The following ARMC3 variants were observed in gnomAD, a reference collection of about 807,000 sequenced individuals.
ARMC3 encodes armadillo repeat-containing protein 3.
A neutral mutation model predicts 90.3 loss-of-function variants in ARMC3; 74 were observed. The observed-to-expected ratio is 0.82, with a 90% CI of 0.68 to 0.99. The LOEUF (loss-of-function observed/expected upper bound fraction) is 0.99. Among genes scored for constraint, ARMC3 ranks in the 50% least tolerant of loss-of-function variants. The pLI, the probability that ARMC3 is intolerant of heterozygous loss-of-function variation, is 0.00. For synonymous variants in ARMC3, 334 were observed against 361.8 expected, an observed-to-expected ratio of 0.92 and a Z score of 0.87; for missense variants, 958 against 1,042.8, an observed-to-expected ratio of 0.92 and a Z score of 1.12.
intron 8 of ARMC3, among the ~76,000 whole-genome samples, chr10:22,973,412 T>C (rs935865022): frequency 1.5e-4 from 22 of 151,008 alleles, no homozygotes; most frequent in African/African-American, 5.1e-4. Context: ...TGAGGCCTGG[T>C]ATAGGATCTA....
At chr10:23,026,770 C>T (rs747232120) in intron 16 of ARMC3, among the ~76,000 whole-genome samples, 8 of 152,132 alleles carry the variant, frequency 5.3e-5, no homozygotes, top group African/African-American at 1.9e-4. Context: ...AATTTTATCA[C>T]GTGTAGGTTT....
intron 6 of ARMC3, chr10:22,960,152 TAC>T (rs111468674): frequency 0.36 from 70,909 of 195,960 alleles, 16,762 homozygotes; most frequent in African/African-American, 0.68. Flanking sequence ...TACACACACA[TAC>T]ACACACACAC....
chr10:22,987,372 G>A (rs1171205336), intron 10 of ARMC3, among the ~76,000 whole-genome samples: 1 of 152,160 alleles, frequency 6.6e-6, no homozygotes, highest in African/African-American at 2.4e-5. Context: ...ATCAGAATTA[G>A]AGTTTAAGTT....
At chr10:22,963,257 A>G (rs11013214) in intron 7 of ARMC3, among the ~76,000 whole-genome samples, 33,349 of 152,136 alleles carry the variant, frequency 0.22, 3,844 homozygotes, top group Non-Finnish European at 0.25. Context: ...TAATTCTATC[A>G]TTACATATAT....
At chr10:22,985,751 C>A (rs1836391610) in intron 10 of ARMC3, among the ~76,000 whole-genome samples, 1 of 152,134 alleles carries the variant, frequency 6.6e-6, no homozygotes. Context: ...CTTTTACTTA[C>A]AAATGGGCTA....
intron 10 of ARMC3, among the ~76,000 whole-genome samples, chr10:22,996,882 A>C (rs1004143152): frequency 6.6e-6 from 1 of 151,812 alleles, no homozygotes; most frequent in African/African-American, 2.4e-5. Flanking sequence ...AATTTAATTC[A>C]TCACCATACA....
At chr10:22,957,979 T>G (rs1239298590) in intron 4 of ARMC3, among the ~76,000 whole-genome samples, 1 of 152,154 alleles carries the variant, frequency 6.6e-6, no homozygotes, top group African/African-American at 2.4e-5. Flanking sequence ...GGAGGATTGC[T>G]TGAGCTCAGG....
chr10:22,928,380 G>A (rs1035174282), intron 1 of ARMC3, among the ~76,000 whole-genome samples: 1 of 152,162 alleles, frequency 6.6e-6, no homozygotes, highest in Non-Finnish European at 1.5e-5. Context: ...TTGACTGTGA[G>A]CAACTCAGAA....
chr10:22,953,761 T>C (rs1398180780), intron 3 of ARMC3, among the ~76,000 whole-genome samples: 1 of 152,248 alleles, frequency 6.6e-6, no homozygotes, highest in Admixed American at 6.5e-5. Context: ...GAAAAAGGGA[T>C]AGAACTATCT....
At chr10:22,968,561 G>A (rs1395692801) in intron 8 of ARMC3, 72 bp downstream of exon 8, 29 of 1,347,564 alleles carry the variant, frequency 2.2e-5, no homozygotes, top group South Asian at 1.8e-4. Flanking sequence ...GTGCTGTGGC[G>A]TGATCACAGC....
chr10:22,999,722 G>C (rs951402708), intron 11 of ARMC3, among the ~76,000 whole-genome samples: 1 of 152,142 alleles, frequency 6.6e-6, no homozygotes, highest in African/African-American at 2.4e-5. Flanking sequence ...AACACATCTG[G>C]GTCCAGAGCC....
intron 11 of ARMC3, among the ~76,000 whole-genome samples, chr10:22,999,870 C>T (rs1287816205): frequency 2.6e-5 from 4 of 152,120 alleles, no homozygotes; most frequent in African/African-American, 4.8e-5. Flanking sequence ...ACTCAGGTAG[C>T]GGTAGGCACC....
chr10:22,930,896 C>T (rs778150684), intron 1 of ARMC3, among the ~76,000 whole-genome samples: 1 of 152,012 alleles, frequency 6.6e-6, no homozygotes, highest in African/African-American at 2.4e-5. Flanking sequence ...GATAGATTTC[C>T]TGGGTTATTC....
chr10:22,944,671 G>A (rs1180402124), intron 2 of ARMC3, among the ~76,000 whole-genome samples: 1 of 152,082 alleles, frequency 6.6e-6, no homozygotes, highest in Non-Finnish European at 1.5e-5. Flanking sequence ...TGAGGTCCTC[G>A]GGCATTCTGG....
At chr10:23,012,325 T>A (rs1838052566) in intron 16 of ARMC3, among the ~76,000 whole-genome samples, 1 of 152,132 alleles carries the variant, frequency 6.6e-6, no homozygotes, top group Admixed American at 6.5e-5. Context: ...TATAGATAAA[T>A]CCCTTCTTTT....
At chr10:22,995,569 C>T (rs1836912789) in intron 10 of ARMC3, among the ~76,000 whole-genome samples, 1 of 152,086 alleles carries the variant, frequency 6.6e-6, no homozygotes, top group African/African-American at 2.4e-5. Flanking sequence ...TTATGCATTT[C>T]CCTTTACTGT....
At position 23,034,083 on chromosome 10, in the gene ARMC3, G is replaced by A. The variant is rs979144331; in HGVS notation, c.2409+1060G>A. 1.1e-4 allele frequency among the ~76,000 whole-genome samples: 16 copies of A among 152,064 alleles called. 1 individual carries two copies. Among genetic ancestry groups the A allele is most frequent in the Non-Finnish European group, 2.2e-4 (15 of 67,996 alleles). On this transcript the variant is annotated intron_variant, in intron 18 of 18. Coordinates refer to ENST00000298032, the MANE Select transcript of ARMC3 (RefSeq NM_173081.5). ...ACATGCAGCTTACCTCCAGTTCCAA[G>A]CGAATTCTATTATCTTTCCTATTCC...
At position 22,959,488 on chromosome 10, in the gene ARMC3, G is replaced by A; in HGVS notation, c.451G>A (p.Gly151Arg). Residue 151 changes from glycine (G) to arginine (R), a missense_variant, in exon 6 of 19, where the codon GGA (glycine) becomes AGA (arginine). Coordinates refer to ENST00000298032, the MANE Select transcript of ARMC3 (RefSeq NM_173081.5). ...TSKVQIFEHGGLEPLIRLLSS... is the reference protein window; with the variant it reads ...TSKVQIFEHGRLEPLIRLLSS... ...TAAAGTGCAAATATTTGAACATGGG[G>A]GATTAGAGCCACTCATCAGACTACT... is the stretch of plus-strand genomic sequence containing the variant. The A allele has an allele frequency of 6.2e-7, 1 of 1,613,946 alleles. No homozygotes were observed. Among genetic ancestry groups the A allele is most frequent in the Non-Finnish European group, 8.5e-7 (1 of 1,179,938 alleles).
Position 23,026,192 on chromosome 10 carries a change from T to C in ARMC3, c.2046-4404T>C, listed in dbSNP as rs186420739. 2.5e-3 allele frequency among the ~76,000 whole-genome samples: 383 copies of C among 152,046 alleles called. 1 individual carries two copies. The highest frequency in any genetic ancestry group is 0.01 in the Middle Eastern group (3 of 294). On this transcript the variant is annotated intron_variant, in intron 16 of 18. Coordinates refer to ENST00000298032, the MANE Select transcript of ARMC3 (RefSeq NM_173081.5). ...ATTGTACACAATTTTTTTCAGAAAA[T>C]AGGAAAATAGAGGATACTTCTCAAC...
Sources: gnomAD v4.1 joint callset for allele counts (sites outside exome capture counted in the v4.1 genomes callset) on GRCh38, gnomAD v4.1.1 for gene constraint, MANE v1.5 for transcripts, NCBI Gene and HGNC (gene_info 2026-07-23, HGNC 2026-07-21) for gene names.